Variants in SBF2 observed in about 807,000 individuals in gnomAD.
SBF2 encodes SET binding factor 2.
SBF2 carries 112 observed loss-of-function variants against 225.2 expected under a neutral mutation model. That is an observed-to-expected ratio of 0.50 (90% CI 0.43 to 0.58). The LOEUF (loss-of-function observed/expected upper bound fraction) is 0.58. SBF2 is among the 20% of genes least tolerant of loss of function. The pLI is 0.00. For missense variants in SBF2, 1,996 were observed against 2,206.2 expected (o/e 0.90, Z 1.91); for synonymous variants, 763 against 773.3 (o/e 0.99, Z 0.22).
At chr11:9,851,464 G>C (rs534834817) in intron 21 of SBF2, among the ~76,000 whole-genome samples, 64 of 152,134 alleles carry the variant, frequency 4.2e-4, no homozygotes, top group African/African-American at 1.5e-3. Flanking sequence ...CTTTTAACTA[G>C]ACCTGTCCTT....
intron 2 of SBF2, among the ~76,000 whole-genome samples, chr11:10,103,784 C>A (rs1370414948): frequency 2.0e-5 from 3 of 152,118 alleles, no homozygotes; most frequent in Non-Finnish European, 4.4e-5. Flanking sequence ...ATGGACTGAA[C>A]TAACAGATAA....
In SBF2 at chr11:10,033,576, A is replaced by G. The variant is rs117871424; in HGVS notation, c.280-2406T>C. ...AAAATATTCTTAGTTCTTAATTTCA[A>G]TATCTCTCCTATAAGAATGCAATGT... is the stretch of plus-strand genomic sequence containing the variant. On this transcript the variant is annotated intron_variant, in intron 3 of 39. Transcript: ENST00000256190. 6.4e-3 allele frequency among the ~76,000 whole-genome samples: 972 copies of G among 152,146 alleles called. 10 individuals carry two copies. Among genetic ancestry groups the G allele is most frequent in the East Asian group, 0.044 (229 of 5,192 alleles).
At position 10,193,886 on chromosome 11, in the gene SBF2, T is replaced by C; in HGVS notation, c.141+16A>G. The stretch of plus-strand genomic sequence containing the variant: ...AAGTAACATTATAAATATGCAATAA[T>C]ACAACAACCACTTACCAACTCAATT... On this transcript the variant is annotated intron_variant, in intron 2 of 39. Coordinates refer to ENST00000256190, the MANE Select transcript of SBF2 (RefSeq NM_030962.4). The C allele has an allele frequency of 1.9e-6, 3 of 1,554,344 alleles. No individual in the cohort carries two copies. The highest frequency in any genetic ancestry group is 2.7e-6 in the Non-Finnish European group (3 of 1,125,626).
At chr11:9,901,819 A>G in intron 16 of SBF2, among the ~76,000 whole-genome samples, 1 of 151,954 alleles carries the variant, frequency 6.6e-6, no homozygotes, top group East Asian at 1.9e-4. Context: ...TAATTTTTGT[A>G]TTTTTTGTAG....
chr11:9,830,766 A>G (rs1002453690), intron 27 of SBF2, among the ~76,000 whole-genome samples: 13 of 149,940 alleles, frequency 8.7e-5, no homozygotes, highest in African/African-American at 9.8e-5. Context: ...AAACAAAAAC[A>G]AAACAAAACA....
intron 2 of SBF2, among the ~76,000 whole-genome samples, chr11:10,191,312 CA>C (rs761663731): frequency 1.2e-4 from 18 of 152,128 alleles, no homozygotes; most frequent in Non-Finnish European, 2.2e-4. Context: ...CATAAGGCAT[CA>C]CAATTATTCA....
chr11:9,922,736 G>T (rs921168407), intron 16 of SBF2, among the ~76,000 whole-genome samples: 3 of 152,134 alleles, frequency 2.0e-5, no homozygotes, highest in African/African-American at 7.2e-5. Flanking sequence ...CAGAGAGAAT[G>T]AGCTCGTTTT....
At chr11:9,971,478 A>T (rs1867323329) in intron 13 of SBF2, among the ~76,000 whole-genome samples, 4 of 152,096 alleles carry the variant, frequency 2.6e-5, no homozygotes, top group Non-Finnish European at 5.9e-5. Flanking sequence ...CAGGAGTTCA[A>T]GACCAGTCTG....
intron 16 of SBF2, among the ~76,000 whole-genome samples, chr11:9,904,167 T>G (rs1431304420): frequency 1.3e-5 from 2 of 152,002 alleles, no homozygotes; most frequent in African/African-American, 4.8e-5. Context: ...AGATTGACAC[T>G]GAATCTAAAA....
At chr11:10,293,852 C>G (rs1591380554) in intron 1 of SBF2, among the ~76,000 whole-genome samples, 163 bp downstream of exon 1, 1 of 152,112 alleles carries the variant, frequency 6.6e-6, no homozygotes, top group African/African-American at 2.4e-5. Context: ...CGCCCACCGC[C>G]AGGCTCAGCC....
chr11:9,880,465 T>C (rs1240381399), intron 17 of SBF2, among the ~76,000 whole-genome samples: 1 of 152,244 alleles, frequency 6.6e-6, no homozygotes, highest in East Asian at 1.9e-4. Flanking sequence ...GTGCTCTTCA[T>C]GTGGCCTGCT....
At chr11:9,925,404 AG>A (rs1394635696) in intron 16 of SBF2, among the ~76,000 whole-genome samples, 1 of 152,056 alleles carries the variant, frequency 6.6e-6, no homozygotes, top group African/African-American at 2.4e-5. Context: ...CAGCCTCCCA[AG>A]TAGCTGGGAT....
At chr11:10,197,695 C>T (rs563325080) in intron 1 of SBF2, among the ~76,000 whole-genome samples, 2 of 152,222 alleles carry the variant, frequency 1.3e-5, no homozygotes, top group Admixed American at 6.5e-5. Flanking sequence ...ATTTTACCCA[C>T]AGCACAACTT....
chr11:10,142,936 G>C (rs1360728279), intron 2 of SBF2, among the ~76,000 whole-genome samples: 1 of 152,176 alleles, frequency 6.6e-6, no homozygotes, highest in Non-Finnish European at 1.5e-5. Flanking sequence ...GCAATGCAAT[G>C]ATAGCATATG....
chr11:9,806,862 C>A (rs1853882276), intron 32 of SBF2, among the ~76,000 whole-genome samples: 1 of 152,102 alleles, frequency 6.6e-6, no homozygotes, highest in African/African-American at 2.4e-5. Context: ...TTCAAAACCA[C>A]TGAACACTTT....
chr11:9,943,788 T>C (rs1865417255), intron 16 of SBF2, among the ~76,000 whole-genome samples: 1 of 152,200 alleles, frequency 6.6e-6, no homozygotes, highest in South Asian at 2.1e-4. Flanking sequence ...TGTCAGAGTA[T>C]AAATTTGTAA....
At chr11:10,064,194 G>T (rs1291642027) in intron 2 of SBF2, among the ~76,000 whole-genome samples, 1 of 151,998 alleles carries the variant, frequency 6.6e-6, no homozygotes, top group East Asian at 1.9e-4. Context: ...CACAAAATTT[G>T]GGAAGGGAGA....
chr11:10,203,994 C>T (rs12271480), intron 1 of SBF2, among the ~76,000 whole-genome samples: 3,278 of 151,868 alleles, frequency 0.022, 91 homozygotes, highest in African/African-American at 0.065. Context: ...TTGACTTTTC[C>T]AAATTTGATG....
chr11:9,795,695 A>G (rs1012772523), intron 33 of SBF2, 136 bp downstream of exon 33: 1 of 1,068,974 alleles, frequency 9.4e-7, no homozygotes, highest in Non-Finnish European at 1.4e-6. Context: ...CCACTTATCC[A>G]CTCCTCTACA....
Sources: allele counts gnomAD v4.1 joint callset (sites outside exome capture counted in the v4.1 genomes callset), GRCh38; gene constraint gnomAD v4.1.1; transcripts MANE v1.5; gene names NCBI Gene and HGNC (gene_info 2026-07-23, HGNC 2026-07-21).